Variants in PSG1 observed in about 807,000 individuals in gnomAD.
PSG1 encodes pregnancy specific beta-1-glycoprotein 1.
Under a neutral mutation model 41.4 loss-of-function variants are expected in PSG1, and 60 were observed. That is an observed-to-expected ratio of 1.45 (90% CI 1.18 to 1.80). PSG1 has a LOEUF of 1.80. PSG1 is among the 40% of genes most tolerant of loss of function. The pLI, the probability that PSG1 is intolerant of heterozygous loss-of-function variation, is 0.00. For missense variants in PSG1, 806 were observed against 516.9 expected (o/e 1.56, Z -5.42); for synonymous variants, 256 against 192.9 (o/e 1.33, Z -2.71).
intron 5 of PSG1, chr19:42,867,631 A>G (rs1275124249): frequency 8.2e-6 from 6 of 733,964 alleles, no homozygotes; most frequent in Non-Finnish European, 1.5e-5. Flanking sequence ...GTGTATTACC[A>G]TAAACATATC....
chr19:42,872,224 G>T (rs941199624), intron 2 of PSG1, among the ~76,000 whole-genome samples, 179 bp from the exon 3 acceptor site: 2 of 151,648 alleles, frequency 1.3e-5, no homozygotes, highest in East Asian at 1.9e-4. Context: ...AGATTGTGAG[G>T]CTGCCTGCTT....
chr19:42,868,465 C>A, intron 4 of PSG1, 110 bp from the exon 5 acceptor site: 1 of 1,478,130 alleles, frequency 6.8e-7, no homozygotes, highest in South Asian at 1.4e-5. Context: ...CCCTCAAGTC[C>A]CAGCCCAACC....
At position 42,867,097 on chromosome 19, in the gene PSG1, C is replaced by T. The variant is rs776803736; in HGVS notation, c.*37G>A. 2 of 772,624 alleles carry T rather than the reference C, an allele frequency of 2.6e-6. No homozygotes were observed. The highest frequency in any genetic ancestry group is 1.7e-5 in the African/African-American group (1 of 58,904). The allele number at this position is 772,624 out of a possible 1,614,324, so 47.9% of individuals were successfully genotyped here. A position where few individuals can be genotyped will look rare whatever the true frequency, so the allele number is the denominator to read the frequency against. On this transcript the variant is annotated 3_prime_UTR_variant, in exon 6 of 6. Transcript: ENST00000436291. The stretch of plus-strand genomic sequence containing the variant: ...AGAGTGGGTCTTGCTCTTAGTGATT[C>T]CATGGGAGAAAATGGAATTGGAGGT...
At position 42,872,644 on chromosome 19, in the gene PSG1, G is replaced by T. The variant is rs1230967937; in HGVS notation, c.431-599C>A. Among the ~76,000 whole-genome samples the T allele has an allele frequency of 1.3e-5, 2 of 151,592 alleles. 1 individual carries two copies. Among genetic ancestry groups the T allele is most frequent in the Non-Finnish European group, 2.9e-5 (2 of 67,874 alleles). On this transcript the variant is annotated intron_variant, in intron 2 of 5. Transcript: ENST00000436291. ...ACGAGGTGGGGCAGTTTTCCCAGGT[G>T]TCTCATAGTGACTGAGTTGAGCTAG...
At chr19:42,870,685 T>C (rs1971345332) in intron 3 of PSG1, 2 of 151,642 alleles carry the variant, frequency 1.3e-5, no homozygotes, top group African/African-American at 4.8e-5. Context: ...TGCAACTCAT[T>C]TTGGGTAATG....
rs1387188725 is a variant in PSG1 at position 42,866,648 on chromosome 19, T to A, written c.*486A>T. Reference sequence around the variant, plus strand: ...TCTGCAAACACACAGGCAATATCTCTGTGTTCATTTCTATTGGGAGCCCTG... The same window carrying A: ...TCTGCAAACACACAGGCAATATCTCAGTGTTCATTTCTATTGGGAGCCCTG... On this transcript the variant is annotated 3_prime_UTR_variant, in exon 6 of 6. Transcript: ENST00000436291. 7.3e-6 allele frequency: 2 copies of A among 274,948 alleles called. No individual in the cohort carries two copies. The highest frequency in any genetic ancestry group is 1.4e-5 in the Non-Finnish European group (2 of 143,536). The allele number at this position is 274,948 out of a possible 1,614,324, so 17.0% of individuals were successfully genotyped here.
At chr19:42,878,389 A>G in intron 1 of PSG1, 111 bp from the exon 2 acceptor site, 1 of 1,317,786 alleles carries the variant, frequency 7.6e-7, no homozygotes, top group Non-Finnish European at 1.0e-6. Flanking sequence ...GACAACACAG[A>G]CACACACACA....
At chr19:42,875,906 C>G (rs1444364060) in intron 2 of PSG1, among the ~76,000 whole-genome samples, 1 of 146,532 alleles carries the variant, frequency 6.8e-6, no homozygotes, top group African/African-American at 2.5e-5. Flanking sequence ...CTATCCCTGT[C>G]CCATGGTCTT....
At chr19:42,873,751 G>T (rs1971489856) in intron 2 of PSG1, among the ~76,000 whole-genome samples, 1 of 151,566 alleles carries the variant, frequency 6.6e-6, no homozygotes, top group African/African-American at 2.4e-5. Context: ...AAGGGAGAAA[G>T]GATGTCAAAT....
intron 3 of PSG1, chr19:42,869,721 G>T (rs1370337921): frequency 6.5e-6 from 1 of 152,920 alleles, no homozygotes; most frequent in Non-Finnish European, 1.5e-5. Context: ...GAGTGAAGGG[G>T]ACAGGCAAGA....
At chr19:42,879,269 C>T (rs369261231) in intron 1 of PSG1, among the ~76,000 whole-genome samples, 3 of 150,940 alleles carry the variant, frequency 2.0e-5, no homozygotes, top group Non-Finnish European at 4.4e-5. Context: ...TCTCCTGCCT[C>T]AGCCTCCCGA....
rs777188916 is a variant in PSG1 at position 42,878,109 on chromosome 19, G to A, written c.234C>T (p.Tyr78=). Reference sequence around the variant, plus strand: ...CACCGTCTACTACATATGATGTAATGTAATGGTAGAGGTCCCTCATTTGCC... The same window carrying A: ...CACCGTCTACTACATATGATGTAATATAATGGTAGAGGTCCCTCATTTGCC... ...YKGQMRDLYH[Y]ITSYVVDGEI... Residue 78 remains tyrosine, a synonymous_variant, in exon 2 of 6, where the codon TAC becomes TAT. Coordinates refer to ENST00000436291, the MANE Select transcript of PSG1 (RefSeq NM_001184825.2). 3 of 1,612,228 alleles carry A rather than the reference G, an allele frequency of 1.9e-6. No individual in the cohort carries two copies. Among genetic ancestry groups the A allele is most frequent in the African/African-American group, 1.3e-5 (1 of 74,610 alleles).
chr19:42,877,516 G>A (rs536517646), intron 2 of PSG1, among the ~76,000 whole-genome samples: 45 of 151,806 alleles, frequency 3.0e-4, no homozygotes, highest in African/African-American at 9.9e-4. Flanking sequence ...TAGGGACAAG[G>A]GTCTGGGGTT....
At position 42,877,884 on chromosome 19, in the gene PSG1, A is replaced by G. The variant is rs777100344; in HGVS notation, c.430+29T>C. The G allele has an allele frequency of 9.9e-6, 16 of 1,611,852 alleles. 1 individual carries two copies. The highest frequency in any genetic ancestry group is 3.3e-4 in the Middle Eastern group (2 of 6,076). On this transcript the variant is annotated intron_variant, in intron 2 of 5. Coordinates refer to ENST00000436291, the MANE Select transcript of PSG1 (RefSeq NM_001184825.2). ...AAGTAGAAGTGACCCCTGTCCCCCAACACCCAGGGATCATGTGGAATCACT... is the reference window on the plus strand; with the variant it reads ...AAGTAGAAGTGACCCCTGTCCCCCAGCACCCAGGGATCATGTGGAATCACT...
chr19:42,874,257 G>A (rs1240482835), intron 2 of PSG1: 2 of 151,628 alleles, frequency 1.3e-5, no homozygotes, highest in African/African-American at 4.8e-5. Flanking sequence ...AGTTTTGGAA[G>A]TTTCTGTTGA....
intron 3 of PSG1, 94 bp downstream of exon 3, chr19:42,871,673 C>G: frequency 1.9e-6 from 3 of 1,611,578 alleles, no homozygotes; most frequent in Non-Finnish European, 1.7e-6. Context: ...GTAAAGGTCT[C>G]TGTATTGGAC....
intron 3 of PSG1, 22 bp from the exon 4 acceptor site, chr19:42,869,056 G>C: frequency 6.3e-7 from 1 of 1,599,920 alleles, no homozygotes; most frequent in East Asian, 2.2e-5. Context: ...ACAGAGAGAA[G>C]ATTGTCCTGT....
rs146772581 is a variant in PSG1 at position 42,868,277 on chromosome 19, G to C, written c.1067C>G (p.Ala356Gly). 1 of 1,612,242 alleles carries C rather than the reference G, an allele frequency of 6.2e-7. No homozygotes were observed. Among genetic ancestry groups the C allele is most frequent in the Non-Finnish European group, 8.5e-7 (1 of 1,179,124 alleles). ...ATACTGTGCCGGTGGGTTAGAGTCC[G>C]CAGAACAGGACAAGTAGAGGACTTC... ...SGEVLYLSCS[A>G]DSNPPAQYSW... is the part of the protein sequence containing the mutation. The change falls in exon 5 of 6, where the codon GCG becomes GGG. Residue 356 changes from alanine (A) to glycine (G), a missense_variant. Physicochemically the swap from Ala to Gly is moderately conservative, Grantham distance 60 (BLOSUM62 0). Coordinates refer to ENST00000436291, the MANE Select transcript of PSG1 (RefSeq NM_001184825.2).
Position 42,866,518 on chromosome 19 carries a change from A to G in PSG1, c.*616T>C, listed in dbSNP as rs917623509. 1 of 171,926 alleles carries G rather than the reference A, an allele frequency of 5.8e-6. No individual in the cohort carries two copies. Among genetic ancestry groups the G allele is most frequent in the Non-Finnish European group, 1.3e-5 (1 of 79,278 alleles). 10.7% of individuals were successfully genotyped at this position (171,926 alleles called of 1,614,324 possible). ...CTAGAATGTCTTACTGTCACGTTTT[A>G]CAATGTATCTCTTAGGAAACGGCAA... On this transcript the variant is annotated 3_prime_UTR_variant, in exon 6 of 6. Transcript: ENST00000436291.
Sources: gnomAD v4.1 joint callset for allele counts (sites outside exome capture counted in the v4.1 genomes callset) on GRCh38, gnomAD v4.1.1 for gene constraint, MANE v1.5 for transcripts, NCBI Gene and HGNC (gene_info 2026-07-23, HGNC 2026-07-21) for gene names.